GRM1: variants seen among roughly 807,000 people sequenced by gnomAD.
GRM1 encodes glutamate metabotropic receptor 1, also known as metabotropic glutamate receptor 1.
In GRM1, 33 loss-of-function variants were observed where a neutral mutation model predicts 90.9. That is an observed-to-expected ratio of 0.36 (90% confidence interval 0.28 to 0.49). The LOEUF (loss-of-function observed/expected upper bound fraction) is 0.49. Among genes scored for constraint, GRM1 ranks in the 20% least tolerant of loss-of-function variants. The probability of loss-of-function intolerance (pLI) is 0.99; values close to 1 mark genes in which losing one functional copy is unlikely to be tolerated. For missense variants in GRM1, 1,190 were observed against 1,534.3 expected, an observed-to-expected ratio of 0.78 and a Z score of 3.75; for synonymous variants, 700 against 613.2, an observed-to-expected ratio of 1.14 and a Z score of -2.09.
At chr6:146,389,224 A>G (rs362916) in intron 6 of GRM1, among the ~76,000 whole-genome samples, 2 of 152,040 alleles carry the variant, frequency 1.3e-5, no homozygotes, top group Non-Finnish European at 2.9e-5. Flanking sequence ...AAAAAGCTCA[A>G]AGACAAAAGT....
chr6:146,255,017 A>G (rs1249316717), intron 2 of GRM1, among the ~76,000 whole-genome samples: 2 of 152,214 alleles, frequency 1.3e-5, no homozygotes, highest in Non-Finnish European at 2.9e-5. Flanking sequence ...AACGGTATGA[A>G]TAAAGAAATA....
At chr6:146,043,796 T>TAGATATATATATATATATATATAG (rs1554260532) in intron 1 of GRM1, among the ~76,000 whole-genome samples, 2 of 137,940 alleles carry the variant, frequency 1.4e-5, no homozygotes, top group African/African-American at 5.2e-5. Context: ...TATATATATA[T>TAGATATATATATATATATATATAG]ATATATATAT....
chr6:146,179,669 A>G (rs1778470948), intron 2 of GRM1, among the ~76,000 whole-genome samples: 1 of 152,126 alleles, frequency 6.6e-6, no homozygotes, highest in Admixed American at 6.6e-5. Context: ...GCCGGCCACC[A>G]TGCCCAGCTA....
intron 5 of GRM1, among the ~76,000 whole-genome samples, chr6:146,381,138 G>A (rs1562653962): frequency 6.6e-6 from 1 of 152,190 alleles, no homozygotes; most frequent in Non-Finnish European, 1.5e-5. Flanking sequence ...TGTTGTCCCA[G>A]TATGTTATCT....
At chr6:146,316,528 G>A (rs1436572183) in intron 3 of GRM1, among the ~76,000 whole-genome samples, 2 of 152,220 alleles carry the variant, frequency 1.3e-5, no homozygotes, top group African/African-American at 2.4e-5. Context: ...CCTACCGGCT[G>A]ATTCTTTAGT....
intron 6 of GRM1, among the ~76,000 whole-genome samples, chr6:146,387,908 T>G (rs576562481): frequency 5.9e-5 from 9 of 152,190 alleles, no homozygotes; most frequent in African/African-American, 2.2e-4. Flanking sequence ...AGGAAGTTGT[T>G]GTATTGATGC....
chr6:146,067,728 T>TA (rs1161157601), intron 1 of GRM1, among the ~76,000 whole-genome samples: 2 of 152,026 alleles, frequency 1.3e-5, no homozygotes, highest in African/African-American at 2.4e-5. Context: ...CTTACATTCT[T>TA]AAAAAAACAA....
intron 2 of GRM1, among the ~76,000 whole-genome samples, chr6:146,270,924 C>T (rs796958616): frequency 0.013 from 1,153 of 91,616 alleles, 9 homozygotes; most frequent in African/African-American, 0.041. Flanking sequence ...TTCCTTCCTT[C>T]CTTCCTTCCT....
At chr6:146,384,800 TA>T (rs1024692962) in intron 5 of GRM1, among the ~76,000 whole-genome samples, 1 of 151,746 alleles carries the variant, frequency 6.6e-6, no homozygotes, top group African/African-American at 2.4e-5. Flanking sequence ...AATGACAATA[TA>T]AAAAATAACA....
At chr6:146,408,484 A>G (rs1203505128) in intron 7 of GRM1, among the ~76,000 whole-genome samples, 1 of 152,228 alleles carries the variant, frequency 6.6e-6, no homozygotes, top group African/African-American at 2.4e-5. Context: ...AGCACAGCAC[A>G]ATACCTAAAT....
chr6:146,058,935 C>T (rs1775574171), intron 1 of GRM1, among the ~76,000 whole-genome samples: 1 of 152,054 alleles, frequency 6.6e-6, no homozygotes, highest in Non-Finnish European at 1.5e-5. Flanking sequence ...AATTCTAGTT[C>T]TTTTATTGTT....
intron 1 of GRM1, among the ~76,000 whole-genome samples, chr6:146,126,782 T>C (rs1776214820): frequency 6.6e-6 from 1 of 152,180 alleles, no homozygotes; most frequent in Non-Finnish European, 1.5e-5. Flanking sequence ...AAATTTGCTC[T>C]GAAGAAACTA....
intron 5 of GRM1, among the ~76,000 whole-genome samples, chr6:146,374,691 A>G (rs1356643696): frequency 6.6e-6 from 1 of 151,966 alleles, no homozygotes; most frequent in Non-Finnish European, 1.5e-5. Flanking sequence ...GATCCTTTGA[A>G]TTTCTGCAAT....
chr6:146,250,176 C>A (rs191491130), intron 2 of GRM1, among the ~76,000 whole-genome samples: 90 of 152,202 alleles, frequency 5.9e-4, no homozygotes, highest in African/African-American at 2.1e-3. Context: ...TTTTTGAGTT[C>A]ATGCTGGAAT....
intron 6 of GRM1, among the ~76,000 whole-genome samples, chr6:146,394,341 A>G (rs1776850570): frequency 6.6e-6 from 1 of 152,188 alleles, no homozygotes; most frequent in African/African-American, 2.4e-5. Flanking sequence ...GAGAAATAAT[A>G]AAGATGAACT....
At chr6:146,140,935 CTA>C (rs1776856714) in intron 1 of GRM1, among the ~76,000 whole-genome samples, 1 of 152,070 alleles carries the variant, frequency 6.6e-6, no homozygotes, top group South Asian at 2.1e-4. Flanking sequence ...CTACAATATT[CTA>C]TGTTTTTCTG....
rs372590505 is a variant in GRM1 at position 146,159,641 on chromosome 6, T to TCTCTCTCTCACACACA, written c.950+45_950+46insTCTCTCTCACACACAC. 4,627 of 724,898 alleles carry TCTCTCTCTCACACACA rather than the reference T, an allele frequency of 6.4e-3. 10 individuals carry two copies. Among genetic ancestry groups the TCTCTCTCTCACACACA allele is most frequent in the Middle Eastern group, 0.012 (27 of 2,304 alleles). The allele number at this position is 724,898 out of a possible 1,614,324, so 44.9% of individuals were successfully genotyped here. On this transcript the variant is annotated intron_variant, in intron 2 of 7. Transcript: ENST00000282753. The stretch of plus-strand genomic sequence containing the variant: ...CTCTCTCTCTCTCTCTCTCTCTCTC[T>TCTCTCTCTCACACACA]CACACACACACATGCACACACACAC...
At chr6:146,074,491 C>A (rs976225237) in intron 1 of GRM1, among the ~76,000 whole-genome samples, 7 of 152,130 alleles carry the variant, frequency 4.6e-5, no homozygotes, top group Non-Finnish European at 1.0e-4. Context: ...AGACCCCACC[C>A]AGAGACCTGG....
intron 3 of GRM1, among the ~76,000 whole-genome samples, chr6:146,317,348 T>A (rs1784012233): frequency 6.6e-6 from 1 of 152,230 alleles, no homozygotes; most frequent in Non-Finnish European, 1.5e-5. Context: ...TTGATAAAAC[T>A]GCTGCCTTCC....
Sources: allele counts gnomAD v4.1 joint callset (sites outside exome capture counted in the v4.1 genomes callset), GRCh38; gene constraint gnomAD v4.1.1; transcripts MANE v1.5; gene names NCBI Gene and HGNC (gene_info 2026-07-23, HGNC 2026-07-21).